Variants in FAM3D observed in about 807,000 individuals in gnomAD.
FAM3D encodes the protein protein FAM3D.
A neutral mutation model predicts 29.8 loss-of-function variants in FAM3D; 26 were observed. The ratio of observed to expected loss-of-function variants is 0.87; its 90% CI spans 0.64 to 1.21. The LOEUF is 1.21. FAM3D is among the 50% of genes most tolerant of loss of function. The probability of loss-of-function intolerance (pLI) is 0.00; values close to 1 mark genes in which losing one functional copy is unlikely to be tolerated. For synonymous variants in FAM3D, 115 were observed against 102.3 expected, an observed-to-expected ratio of 1.12 and a Z score of -0.75; for missense variants, 253 against 290.9, an observed-to-expected ratio of 0.87 and a Z score of 0.95.
chr3:58,665,955 G>A (rs143277173), intron 1 of FAM3D, among the ~76,000 whole-genome samples: 1 of 152,312 alleles, frequency 6.6e-6, no homozygotes, highest in African/African-American at 2.4e-5. Context: ...TGAGGAAACT[G>A]AGTCTTAGTG....
At chr3:58,652,508 C>T (rs2066667921) in intron 3 of FAM3D, among the ~76,000 whole-genome samples, 1 of 151,088 alleles carries the variant, frequency 6.6e-6, no homozygotes, top group African/African-American at 2.5e-5. Context: ...CTCCATCTAC[C>T]CATCTACCCA....
chr3:58,642,180 C>T (rs1037944636), intron 6 of FAM3D, among the ~76,000 whole-genome samples: 1 of 152,170 alleles, frequency 6.6e-6, no homozygotes, highest in African/African-American at 2.4e-5. Flanking sequence ...ACTCAGCCTC[C>T]TGCCACTCCC....
chr3:58,654,977 T>C (rs1046534526), intron 2 of FAM3D, among the ~76,000 whole-genome samples: 3 of 152,230 alleles, frequency 2.0e-5, no homozygotes, highest in African/African-American at 7.2e-5. Flanking sequence ...ACATTGATTA[T>C]TCCCATTTTA....
intron 3 of FAM3D, among the ~76,000 whole-genome samples, chr3:58,653,385 T>C (rs928229760): frequency 6.6e-6 from 1 of 152,206 alleles, no homozygotes; most frequent in Non-Finnish European, 1.5e-5. Context: ...CTGTTCTTCC[T>C]CCCTCTGTCC....
chr3:58,654,615 G>A (rs2066736303), intron 2 of FAM3D, among the ~76,000 whole-genome samples: 1 of 152,144 alleles, frequency 6.6e-6, no homozygotes, highest in Non-Finnish European at 1.5e-5. Context: ...TTCTGAATCA[G>A]ACCCACCCAT....
Position 58,655,190 on chromosome 3 carries a change from T to C in FAM3D, c.13+361A>G, listed in dbSNP as rs968171844. Among the ~76,000 whole-genome samples the C allele has an allele frequency of 2.6e-5, 4 of 152,154 alleles. No homozygotes were observed. The South Asian group carries it at 8.3e-4, about 32-fold the overall frequency. ...CCTATCTGTACAAAGGGGGATACAG[T>C]ATGAGGGTGTGGACTAGAAGGCCTT... is the stretch of plus-strand genomic sequence containing the variant. On this transcript the variant is annotated intron_variant, in intron 2 of 9. Transcript: ENST00000358781.
At position 58,634,042 on chromosome 3, in the gene FAM3D, C is replaced by T. The variant is rs2066089160; in HGVS notation, c.*237G>A. The stretch of plus-strand genomic sequence containing the variant: ...TCAGCAGTCCCTGACGAAAGCACCC[C>T]ATTCTCTCCACAGACAGCTGGTTCC... On this transcript the variant is annotated 3_prime_UTR_variant, in exon 10 of 10. Coordinates refer to ENST00000358781, the MANE Select transcript of FAM3D (RefSeq NM_138805.3). This position sits in a 1 kb window ranked among gnomAD's most constrained non-coding sequence, Gnocchi z 4.6. 4.1e-6 allele frequency: 2 copies of T among 484,182 alleles called. No homozygotes were observed. The highest frequency in any genetic ancestry group is 7.6e-5 in the Admixed American group (2 of 26,358). The allele number at this position is 484,182 out of a possible 1,614,324, so 30.0% of individuals were successfully genotyped here.
At chr3:58,636,967 A>G (rs951246076) in intron 8 of FAM3D, among the ~76,000 whole-genome samples, 174 bp downstream of exon 8, 5 of 152,176 alleles carry the variant, frequency 3.3e-5, no homozygotes, top group Admixed American at 6.5e-5. Context: ...TCACTGTGGT[A>G]ATGAAGGCTG....
intron 1 of FAM3D, among the ~76,000 whole-genome samples, chr3:58,665,673 T>C (rs189987139): frequency 3.9e-5 from 6 of 152,184 alleles, no homozygotes; most frequent in Admixed American, 3.9e-4. Context: ...CAGTGTGGCA[T>C]AGTGGGCAGG....
intron 7 of FAM3D, among the ~76,000 whole-genome samples, chr3:58,637,900 C>T (rs201075491): frequency 8.1e-4 from 2 of 2,480 alleles, no homozygotes; most frequent in East Asian, 0.036. Context: ...TATTATTATT[C>T]TGACACAGAG....
intron 1 of FAM3D, among the ~76,000 whole-genome samples, chr3:58,658,561 G>A (rs892860726): frequency 6.6e-6 from 1 of 152,158 alleles, no homozygotes; most frequent in Non-Finnish European, 1.5e-5. Context: ...AATCCTTCAG[G>A]TCTCATTGGA....
At chr3:58,655,300 G>A (rs573551545) in intron 2 of FAM3D, among the ~76,000 whole-genome samples, 177 of 152,136 alleles carry the variant, frequency 1.2e-3, no homozygotes, top group Non-Finnish European at 1.9e-3. Context: ...TTTCCAACCA[G>A]GCCAAGTGTT....
At chr3:58,659,931 GCAGA>G (rs2066900179) in intron 1 of FAM3D, among the ~76,000 whole-genome samples, 1 of 152,192 alleles carries the variant, frequency 6.6e-6, no homozygotes, top group South Asian at 2.1e-4. Flanking sequence ...GGGAAATTCT[GCAGA>G]CAGAGTGTGG....
At position 58,637,153 on chromosome 3, in the gene FAM3D, T is replaced by C; in HGVS notation, c.446A>G (p.Asp149Gly). 6.2e-7 allele frequency: 1 copy of C among 1,613,946 alleles called. No homozygotes were observed. Among genetic ancestry groups the C allele is most frequent in the Non-Finnish European group, 8.5e-7 (1 of 1,179,964 alleles). ...GTTTTCTACTTACTTGGTCCCTGGA[T>C]CGTCGTAGGAGGCCACCAGCACCAG... ...GALVLVASYD[D>G]PGTKMNDESR... is the part of the protein sequence containing the mutation. The change falls in exon 8 of 10, where the codon GAT (aspartate) becomes GGT (glycine). Residue 149 changes from aspartate (D) to glycine (G), a missense_variant. Physicochemically the swap from Asp to Gly is moderately conservative, Grantham distance 94. Transcript: ENST00000358781.
chr3:58,665,395 T>C (rs2067010747), intron 1 of FAM3D, among the ~76,000 whole-genome samples: 1 of 152,022 alleles, frequency 6.6e-6, no homozygotes, highest in Admixed American at 6.6e-5. Context: ...TGCCCTTCAC[T>C]CCTGAAGGAC....
intron 7 of FAM3D, among the ~76,000 whole-genome samples, chr3:58,638,402 A>G (rs1401505835): frequency 1.3e-5 from 2 of 152,250 alleles, no homozygotes; most frequent in Non-Finnish European, 2.9e-5. Context: ...TAGTGGCTAA[A>G]GCAGAGACTA....
In FAM3D at chr3:58,634,217, C is replaced by G; in HGVS notation, c.*62G>C. 1 of 1,525,666 alleles carries G rather than the reference C, an allele frequency of 6.6e-7. No individual in the cohort carries two copies. The highest frequency in any genetic ancestry group is 1.7e-5 in the Admixed American group (1 of 57,512). The allele number at this position is 1,525,666 out of a possible 1,614,324, so 94.5% of individuals were successfully genotyped here. ...CCTCCTCCTCAGCCCCTGCCGGGCTCTGACTCCTAAGTCAGGCAGGAGCTT... is the reference window on the plus strand; with the variant it reads ...CCTCCTCCTCAGCCCCTGCCGGGCTGTGACTCCTAAGTCAGGCAGGAGCTT... On this transcript the variant is annotated 3_prime_UTR_variant, in exon 10 of 10. Transcript: ENST00000358781. This position sits in a 1 kb window ranked among gnomAD's most constrained non-coding sequence, Gnocchi z 4.6.
intron 4 of FAM3D, among the ~76,000 whole-genome samples, chr3:58,647,152 C>A (rs185842861): frequency 6.6e-6 from 1 of 152,234 alleles, no homozygotes; most frequent in South Asian, 2.1e-4. Flanking sequence ...AGGGCTCCCC[C>A]TCTCCTGGTT....
chr3:58,660,136 A>G (rs1485386905), intron 1 of FAM3D, among the ~76,000 whole-genome samples: 1 of 152,208 alleles, frequency 6.6e-6, no homozygotes, highest in African/African-American at 2.4e-5. Context: ...AAAGAAAGAG[A>G]CAAGACTGAG....
Sources: allele counts gnomAD v4.1 joint callset (sites outside exome capture counted in the v4.1 genomes callset), GRCh38; gene constraint gnomAD v4.1.1; non-coding constraint Gnocchi (gnomAD v3.1); transcripts MANE v1.5; gene names NCBI Gene and HGNC (gene_info 2026-07-23, HGNC 2026-07-21).